NDUFAF2: variants seen among roughly 807,000 people sequenced by gnomAD.
The protein encoded by NDUFAF2 is NADH:ubiquinone oxidoreductase complex assembly factor 2.
A neutral mutation model predicts 22.8 loss-of-function variants in NDUFAF2; 13 were observed. That is an observed-to-expected ratio of 0.57 (90% CI 0.37 to 0.91). The LOEUF is 0.91. Among genes scored for constraint, NDUFAF2 ranks in the 40% least tolerant of loss-of-function variants. The probability of loss-of-function intolerance (pLI) is 0.01; values close to 1 mark genes in which losing one functional copy is unlikely to be tolerated. For synonymous variants in NDUFAF2, 53 were observed against 64.2 expected (o/e 0.83, Z 0.84); for missense variants, 162 against 195.2 (o/e 0.83, Z 1.01).
chr5:61,142,707 T>G (rs1035692956), intron 3 of NDUFAF2, among the ~76,000 whole-genome samples: 26 of 152,256 alleles, frequency 1.7e-4, no homozygotes, highest in African/African-American at 5.3e-4. Context: ...TGTTTTATTC[T>G]AATAGATTTC....
chr5:60,948,551 C>CTTT (rs55712639), intron 1 of NDUFAF2, among the ~76,000 whole-genome samples: 2 of 145,048 alleles, frequency 1.4e-5, no homozygotes, highest in African/African-American at 2.5e-5. Context: ...ACATATTCTG[C>CTTT]TTTTTTTTTT....
chr5:61,023,685 T>C (rs1294423076), intron 1 of NDUFAF2, among the ~76,000 whole-genome samples: 1 of 152,218 alleles, frequency 6.6e-6, no homozygotes, highest in Non-Finnish European at 1.5e-5. Flanking sequence ...TAGAGTTTTT[T>C]ATGTTTTAGT....
chr5:61,025,615 G>A (rs373635567), intron 1 of NDUFAF2, among the ~76,000 whole-genome samples: 1 of 151,822 alleles, frequency 6.6e-6, no homozygotes, highest in Non-Finnish European at 1.5e-5. Context: ...TGCCTGCTCT[G>A]TTTTGATTCT....
intron 1 of NDUFAF2, among the ~76,000 whole-genome samples, chr5:60,945,897 G>A (rs1750440737): frequency 6.6e-6 from 1 of 152,098 alleles, no homozygotes; most frequent in African/African-American, 2.4e-5. Flanking sequence ...TACCCTTTTC[G>A]GTGGCACCCT....
intron 1 of NDUFAF2, among the ~76,000 whole-genome samples, chr5:61,054,900 C>T (rs969362593): frequency 6.6e-6 from 1 of 152,114 alleles, no homozygotes; most frequent in Non-Finnish European, 1.5e-5. Context: ...AGATGTAATC[C>T]TGTTAGTTTC....
intron 3 of NDUFAF2, among the ~76,000 whole-genome samples, chr5:61,141,664 AAATGAATG>A (rs70977828): frequency 3.3e-4 from 50 of 151,168 alleles, no homozygotes; most frequent in Admixed American, 9.2e-4. Flanking sequence ...AGTATATATT[AAATGAATG>A]AATGAATGAA....
At chr5:61,125,397 G>A (rs1010988615) in intron 3 of NDUFAF2, among the ~76,000 whole-genome samples, 1 of 151,972 alleles carries the variant, frequency 6.6e-6, no homozygotes, top group Admixed American at 6.6e-5. Context: ...GAATACAGTG[G>A]CAGGCTCTGG....
At chr5:61,017,794 G>A (rs1751531398) in intron 1 of NDUFAF2, among the ~76,000 whole-genome samples, 2 of 151,902 alleles carry the variant, frequency 1.3e-5, no homozygotes, top group South Asian at 4.2e-4. Context: ...CTGTTGCCCA[G>A]GCTGGAATAC....
chr5:60,971,930 C>T (rs1334685687), intron 1 of NDUFAF2, among the ~76,000 whole-genome samples: 2 of 151,112 alleles, frequency 1.3e-5, no homozygotes, highest in African/African-American at 2.4e-5. Context: ...ATTCTTTTTG[C>T]CCCCCTCCCT....
chr5:61,146,926 T>C, intron 3 of NDUFAF2, among the ~76,000 whole-genome samples: 1 of 152,192 alleles, frequency 6.6e-6, no homozygotes, highest in Non-Finnish European at 1.5e-5. Flanking sequence ...TTTTATTTCA[T>C]AGGTTGTTTT....
intron 1 of NDUFAF2, among the ~76,000 whole-genome samples, chr5:61,035,699 T>G (rs1173870672): frequency 6.6e-6 from 1 of 152,040 alleles, no homozygotes; most frequent in African/African-American, 2.4e-5. Context: ...TCACTTCATT[T>G]TATAATTATT....
intron 1 of NDUFAF2, among the ~76,000 whole-genome samples, chr5:60,949,166 G>T (rs1561524706): frequency 6.6e-6 from 1 of 152,024 alleles, no homozygotes; most frequent in African/African-American, 2.4e-5. Flanking sequence ...GAACAGTTCC[G>T]TCACCCTGAA....
At chr5:60,958,982 A>C (rs1397370879) in intron 1 of NDUFAF2, among the ~76,000 whole-genome samples, 1 of 152,120 alleles carries the variant, frequency 6.6e-6, no homozygotes, top group Non-Finnish European at 1.5e-5. Context: ...GAATATATCA[A>C]AACCTATGTT....
At chr5:61,048,682 A>G (rs1361820786) in intron 1 of NDUFAF2, among the ~76,000 whole-genome samples, 3 of 152,150 alleles carry the variant, frequency 2.0e-5, no homozygotes, top group Non-Finnish European at 4.4e-5. Flanking sequence ...CTTAATCCTA[A>G]CATCCAAATA....
intron 1 of NDUFAF2, among the ~76,000 whole-genome samples, chr5:60,954,193 C>A (rs1750584490): frequency 1.3e-5 from 2 of 152,102 alleles, no homozygotes; most frequent in Admixed American, 6.5e-5. Flanking sequence ...TAGCCAAAGA[C>A]CTATGATGTG....
chr5:61,142,765 A>G (rs1192608805), intron 3 of NDUFAF2, among the ~76,000 whole-genome samples: 1 of 151,848 alleles, frequency 6.6e-6, no homozygotes, highest in Non-Finnish European at 1.5e-5. Flanking sequence ...TCACTTATTT[A>G]CTCTTTGGGT....
At chr5:61,100,000 G>T in intron 3 of NDUFAF2, among the ~76,000 whole-genome samples, 1 of 152,086 alleles carries the variant, frequency 6.6e-6, no homozygotes, top group East Asian at 1.9e-4. Context: ...TGTTCATTCG[G>T]CCAGGGTCTG....
At chr5:61,060,156 A>G (rs924558196) in intron 1 of NDUFAF2, among the ~76,000 whole-genome samples, 5 of 152,138 alleles carry the variant, frequency 3.3e-5, no homozygotes, top group African/African-American at 9.7e-5. Context: ...AAGATAAAAC[A>G]TGAAAGGAAC....
At chr5:60,983,209 T>C (rs940255628) in intron 1 of NDUFAF2, among the ~76,000 whole-genome samples, 12 of 147,592 alleles carry the variant, frequency 8.1e-5, no homozygotes, top group African/African-American at 3.0e-4. Flanking sequence ...TCTTGAGAAG[T>C]GTCTGTTCAT....
Sources: gnomAD v4.1 joint callset for allele counts (sites outside exome capture counted in the v4.1 genomes callset) on GRCh38, gnomAD v4.1.1 for gene constraint, MANE v1.5 for transcripts, NCBI Gene and HGNC (gene_info 2026-07-23, HGNC 2026-07-21) for gene names.